PCNT: variants seen among roughly 807,000 people sequenced by gnomAD.
PCNT encodes pericentrin.
In PCNT, 319 loss-of-function variants were observed where a neutral mutation model predicts 380.4. The observed-to-expected ratio is 0.84, with a 90% confidence interval of 0.77 to 0.92. PCNT has a LOEUF of 0.92. PCNT is among the 40% of genes least tolerant of loss of function. The pLI, the probability that PCNT is intolerant of heterozygous loss-of-function variation, is 0.00. For synonymous variants in PCNT, 1,845 were observed against 1,735.2 expected (o/e 1.06, Z -1.57); for missense variants, 4,400 against 4,255.3 (o/e 1.03, Z -0.95).
In PCNT at chr21:46,397,359, G is replaced by T. The variant is rs765190339; in HGVS notation, c.4311G>T (p.Lys1437Asn). The T allele has an allele frequency of 1.2e-5, 20 of 1,614,028 alleles. No individual in the cohort carries two copies. Among genetic ancestry groups the T allele is most frequent in the Non-Finnish European group, 1.4e-5 (16 of 1,180,042 alleles). Residue 1437 changes from lysine to asparagine, a missense_variant, in exon 22 of 47, where the codon AAG (lysine) becomes AAT (asparagine). By Grantham distance (94) the Lys-to-Asn change is moderately conservative (BLOSUM62 0). Transcript: ENST00000359568. ...KDRSALLSQMKILESELEEQL... is the reference protein window; with the variant it reads ...KDRSALLSQMNILESELEEQL... ...GCTCAGCCCTGCTCTCCCAGATGAA[G>T]ATTTTGGAGTCTGAGTTAGAAGAAC...
intron 3 of PCNT, among the ~76,000 whole-genome samples, chr21:46,339,437 A>G (rs1053200824): frequency 6.6e-6 from 1 of 152,216 alleles, no homozygotes; most frequent in African/African-American, 2.4e-5. Flanking sequence ...GAGTTTATTA[A>G]GGAGCATCGA....
At chr21:46,432,708 G>A (rs190372942) in intron 38 of PCNT, among the ~76,000 whole-genome samples, 52 of 152,166 alleles carry the variant, frequency 3.4e-4, no homozygotes, top group Admixed American at 7.9e-4. Context: ...CACTGCAGTC[G>A]CCGCCTCCTG....
At position 46,427,633 on chromosome 21, in the gene PCNT, C is replaced by T. The variant is rs150882711; in HGVS notation, c.7332C>T (p.Thr2444=). ...CCTTCTTCCTTTAGGAAGTGCCCAC[C>T]GCGTGCCCCGATTGGAGAGGGGACC... ...LHGGKTQEVP[T]ACPDWRGDLL... Residue 2444 remains threonine, a synonymous_variant, in exon 34 of 47, where the codon ACC becomes ACT. Transcript: ENST00000359568. The T allele has an allele frequency of 8.1e-4, 1,306 of 1,613,920 alleles. No homozygotes were observed. Among genetic ancestry groups the T allele is most frequent in the Non-Finnish European group, 1.1e-3 (1,242 of 1,180,030 alleles).
intron 38 of PCNT, among the ~76,000 whole-genome samples, chr21:46,435,535 G>GTGTTT (rs58296456): frequency 0.17 from 25,454 of 148,484 alleles, 4,076 homozygotes; most frequent in African/African-American, 0.43. Context: ...TGGCAGTTTT[G>GTGTTT]TGTTTTGTTT....
intron 37 of PCNT, chr21:46,431,068 T>A (rs999211501): frequency 4.5e-5 from 44 of 985,334 alleles, no homozygotes; most frequent in Admixed American, 6.1e-5. Flanking sequence ...CTGTGCCAGT[T>A]CCATGGGTTA....
At chr21:46,413,861 A>G (rs1469158161) in intron 29 of PCNT, among the ~76,000 whole-genome samples, 1 of 152,202 alleles carries the variant, frequency 6.6e-6, no homozygotes, top group African/African-American at 2.4e-5. Context: ...TTAGCGAGAA[A>G]AGCGGGTGCT....
At chr21:46,325,060 C>T (rs2083328117) in intron 1 of PCNT, 1 of 985,414 alleles carries the variant, frequency 1.0e-6, no homozygotes, top group African/African-American at 1.7e-5. Context: ...TTCTCCCGCC[C>T]CGGGTTTCTC....
chr21:46,347,613 C>A, intron 6 of PCNT, 101 bp downstream of exon 6: 1 of 1,041,056 alleles, frequency 9.6e-7, no homozygotes, highest in Non-Finnish European at 1.5e-6. Context: ...CAGACAGAAG[C>A]CAGTCGAGGC....
intron 30 of PCNT, among the ~76,000 whole-genome samples, chr21:46,417,432 TC>T (rs999861832): frequency 6.6e-6 from 1 of 152,034 alleles, no homozygotes; most frequent in Non-Finnish European, 1.5e-5. Flanking sequence ...GACCTCATGA[TC>T]CACCCACCTC....
chr21:46,423,391 A>G (rs1179875076), intron 32 of PCNT, among the ~76,000 whole-genome samples: 4 of 151,180 alleles, frequency 2.6e-5, no homozygotes, highest in East Asian at 4.0e-4. Flanking sequence ...GAGTGTTGCC[A>G]TGTTACCCAG....
rs922542907 is a variant in PCNT at position 46,326,509 on chromosome 21, C to G, written c.187C>G (p.Leu63Val). The G allele has an allele frequency of 2.5e-6, 4 of 1,614,082 alleles. No homozygotes were observed. The African/African-American group carries it at 4.0e-5, about 16-fold the overall frequency. ...ESPVTKEDSA[L>V]CGGGDICKST... ...TCCGGTAACCAAGGAGGACAGCGCA[C>G]TCTGTGGAGGAGGGGACATTTGCAA... Residue 63 changes from leucine (L) to valine (V), a missense_variant, in exon 2 of 47, where the codon CTC (leucine) becomes GTC (valine). Coordinates refer to ENST00000359568, the MANE Select transcript of PCNT (RefSeq NM_006031.6).
intron 4 of PCNT, among the ~76,000 whole-genome samples, chr21:46,346,505 C>G (rs942160398): frequency 2.0e-5 from 3 of 152,174 alleles, no homozygotes; most frequent in Non-Finnish European, 4.4e-5. Flanking sequence ...CGTCATACAG[C>G]GAGGGAATTC....
intron 27 of PCNT, among the ~76,000 whole-genome samples, chr21:46,410,975 A>C (rs1445057478): frequency 6.6e-6 from 1 of 152,270 alleles, no homozygotes; most frequent in Non-Finnish European, 1.5e-5. Flanking sequence ...TCCCACGATC[A>C]GACGTGGAGC....
intron 2 of PCNT, among the ~76,000 whole-genome samples, chr21:46,330,334 G>C (rs2083517575): frequency 6.6e-6 from 1 of 152,086 alleles, no homozygotes; most frequent in African/African-American, 2.4e-5. Flanking sequence ...GTCAGGGCTG[G>C]TCTCAAACTC....
At chr21:46,438,526 A>G (rs1385508191) in intron 41 of PCNT, among the ~76,000 whole-genome samples, 189 bp downstream of exon 41, 3 of 152,254 alleles carry the variant, frequency 2.0e-5, no homozygotes, top group Non-Finnish European at 4.4e-5. Context: ...TGAACATCTC[A>G]GCCGACTTCC....
rs556814004 is a variant in PCNT at position 46,431,723 on chromosome 21, C to T, written c.8259C>T (p.Arg2753=). 1 of 1,612,194 alleles carries T rather than the reference C, an allele frequency of 6.2e-7. No individual in the cohort carries two copies. Among genetic ancestry groups the T allele is most frequent in the Admixed American group, 1.7e-5 (1 of 59,926 alleles). ...AGGACCTTGCGGCTGAGAAGAGCCG[C>T]ACCCTGGAGCTGTCAGAGGCCTTGC... is the stretch of plus-strand genomic sequence containing the variant. The part of the protein sequence containing the change: ...LQKDLAAEKS[R]TLELSEALRH... Residue 2753 remains arginine, a synonymous_variant, in exon 38 of 47, where the codon CGC becomes CGT. Coordinates refer to ENST00000359568, the MANE Select transcript of PCNT (RefSeq NM_006031.6).
Position 46,445,319 on chromosome 21 carries a change from A to G in PCNT, c.10003A>G (p.Lys3335Glu). The G allele has an allele frequency of 6.2e-7, 1 of 1,605,718 alleles. No homozygotes were observed. Among genetic ancestry groups the G allele is most frequent in the Non-Finnish European group, 8.5e-7 (1 of 1,172,268 alleles). The change falls in exon 47 of 47, where the codon AAA (lysine) becomes GAA (glutamate). Residue 3335 changes from lysine (K) to glutamate (E), a missense_variant. Lys to Glu is a moderately conservative substitution (Grantham distance 56). Coordinates refer to ENST00000359568, the MANE Select transcript of PCNT (RefSeq NM_006031.6). Reference sequence around the variant, plus strand: ...AAAGAAATCCTGCCACCCGATGATTAAACAGTGAATAAAATGTCATGGCTC... The same window carrying G: ...AAAGAAATCCTGCCACCCGATGATTGAACAGTGAATAAAATGTCATGGCTC... ...TSKKSCHPMIKQ is the reference protein window; with the variant it reads ...TSKKSCHPMIEQ
intron 44 of PCNT, chr21:46,443,042 C>A: frequency 4.7e-6 from 1 of 211,908 alleles, no homozygotes. Context: ...AGGGCATTTC[C>A]AGGGGCTCTT....
intron 2 of PCNT, among the ~76,000 whole-genome samples, chr21:46,327,752 T>A (rs1277973547): frequency 3.9e-5 from 6 of 152,262 alleles, no homozygotes; most frequent in African/African-American, 1.2e-4. Flanking sequence ...ATGCACCTGC[T>A]TGTCACATTT....
Sources: allele counts gnomAD v4.1 joint callset (sites outside exome capture counted in the v4.1 genomes callset), GRCh38; gene constraint gnomAD v4.1.1; transcripts MANE v1.5; gene names NCBI Gene and HGNC (gene_info 2026-07-23, HGNC 2026-07-21).